The following TRHDE variants were observed in gnomAD, a reference collection of about 807,000 sequenced individuals.
TRHDE encodes the protein thyrotropin-releasing hormone-degrading ectoenzyme.
In TRHDE, 72 loss-of-function variants were observed where a neutral mutation model predicts 125.7. The observed-to-expected ratio is 0.57, with a 90% confidence interval of 0.47 to 0.70. The LOEUF (loss-of-function observed/expected upper bound fraction) is 0.70. Ranked by LOEUF, TRHDE falls within the 30% of genes least tolerant of loss-of-function variation. The pLI, the probability that TRHDE is intolerant of heterozygous loss-of-function variation, is 0.00. For synonymous variants in TRHDE, 509 were observed against 509.1 expected (o/e 1.00, Z 0.00); for missense variants, 1,110 against 1,327.1 (o/e 0.84, Z 2.54).
At chr12:72,182,166 T>TA (rs895610877) in intron 2 of TRHDE, among the ~76,000 whole-genome samples, 3 of 152,184 alleles carry the variant, frequency 2.0e-5, no homozygotes, top group African/African-American at 7.2e-5. Flanking sequence ...CTACCCAACT[T>TA]ACCTTCTTTG....
chr12:72,264,675 G>T (rs1380126872), intron 2 of TRHDE: 3 of 151,830 alleles, frequency 2.0e-5, no homozygotes, highest in Non-Finnish European at 4.4e-5. Flanking sequence ...TTCTTTGTAA[G>T]TCTAGCTTTA....
intron 15 of TRHDE, among the ~76,000 whole-genome samples, chr12:72,636,030 T>A (rs1394619672): frequency 1.3e-5 from 2 of 150,748 alleles, no homozygotes; most frequent in Non-Finnish European, 3.0e-5. Flanking sequence ...TTTTTTCCAA[T>A]TCTGTGAAGA....
At chr12:72,154,142 A>T (rs1473131926) in intron 2 of TRHDE, among the ~76,000 whole-genome samples, 1 of 152,098 alleles carries the variant, frequency 6.6e-6, no homozygotes, top group African/African-American at 2.4e-5. Context: ...TCCCTTTACC[A>T]TTATGTAATG....
intron 3 of TRHDE, among the ~76,000 whole-genome samples, chr12:72,382,499 G>T (rs1872232631): frequency 6.6e-6 from 1 of 152,176 alleles, no homozygotes; most frequent in Non-Finnish European, 1.5e-5. Flanking sequence ...TTCTGCTGAA[G>T]TGATGGCATT....
intron 2 of TRHDE, among the ~76,000 whole-genome samples, chr12:72,347,895 C>T (rs1052376263): frequency 3.6e-4 from 55 of 152,036 alleles, no homozygotes; most frequent in African/African-American, 1.3e-3. Context: ...TTACCAGGCT[C>T]AGGTGACACT....
At chr12:72,393,559 T>C (rs1488236817) in intron 3 of TRHDE, among the ~76,000 whole-genome samples, 1 of 152,184 alleles carries the variant, frequency 6.6e-6, no homozygotes, top group Non-Finnish European at 1.5e-5. Context: ...TAACAAATGG[T>C]AAAATTGAAG....
chr12:72,465,484 T>C (rs1239645504), intron 3 of TRHDE, among the ~76,000 whole-genome samples: 2 of 152,188 alleles, frequency 1.3e-5, no homozygotes, highest in Admixed American at 1.3e-4. Context: ...GATATAGCTT[T>C]CTTCTTTTTT....
At chr12:72,420,008 TAAA>T (rs969021875) in intron 3 of TRHDE, among the ~76,000 whole-genome samples, 1 of 152,112 alleles carries the variant, frequency 6.6e-6, no homozygotes, top group African/African-American at 2.4e-5. Flanking sequence ...AACAAATAAA[TAAA>T]AACACGTGAA....
At position 72,272,949 on chromosome 12, in the gene TRHDE, C is replaced by T; in HGVS notation, c.306C>T (p.Leu102=). 1 of 1,573,252 alleles carries T rather than the reference C, an allele frequency of 6.4e-7. No homozygotes were observed. The highest frequency in any genetic ancestry group is 8.6e-7 in the Non-Finnish European group (1 of 1,167,106). Residue 102 remains leucine (L), a synonymous_variant, in exon 1 of 19, where the codon CTC becomes CTT. Transcript: ENST00000261180. This position sits in a 1 kb window ranked among gnomAD's most constrained non-coding sequence, Gnocchi z 6.7. ...TGGCATTGCTCGCGGTCACAATGCTCGCTGTGCTGCTCAGCCTGCGCTTCG... is the reference window on the plus strand; with the variant it reads ...TGGCATTGCTCGCGGTCACAATGCTTGCTGTGCTGCTCAGCCTGCGCTTCG... ...SLVALLAVTM[L]AVLLSLRFDE... is the part of the protein sequence containing the mutation.
In TRHDE at chr12:72,500,598, G is replaced by T. The variant is rs113073237; in HGVS notation, c.1722+963G>T. Among the ~76,000 whole-genome samples, 259 of 152,024 alleles carry T rather than the reference G, an allele frequency of 1.7e-3. 2 individuals carry two copies. Among genetic ancestry groups the T allele is most frequent in the African/African-American group, 6.1e-3 (254 of 41,462 alleles). ...GTAGAGACAGGGTTTCACCATGTTG[G>T]CCAGGCTGGTCTCAAACTCCTGTTC... On this transcript the variant is annotated intron_variant, in intron 6 of 18. Coordinates refer to ENST00000261180, the MANE Select transcript of TRHDE (RefSeq NM_013381.3).
intron 12 of TRHDE, among the ~76,000 whole-genome samples, chr12:72,598,977 T>A (rs1872096276): frequency 6.6e-6 from 1 of 152,102 alleles, no homozygotes; most frequent in Non-Finnish European, 1.5e-5. Flanking sequence ...AGTAAGAAAA[T>A]GCGGTATTTC....
intron 2 of TRHDE, among the ~76,000 whole-genome samples, chr12:72,356,275 A>T (rs1870816355): frequency 6.6e-6 from 1 of 151,692 alleles, no homozygotes; most frequent in Non-Finnish European, 1.5e-5. Context: ...TCTTTAGCAA[A>T]CTAATGCAGG....
At chr12:72,279,073 T>C (rs1433917974) in intron 1 of TRHDE, among the ~76,000 whole-genome samples, 5 of 152,244 alleles carry the variant, frequency 3.3e-5, no homozygotes. Flanking sequence ...ATGGACCTGA[T>C]ACTGGCTTTC....
At chr12:72,258,182 A>G (rs889791222) in intron 2 of TRHDE, 1 of 152,178 alleles carries the variant, frequency 6.6e-6, no homozygotes, top group Admixed American at 6.6e-5. Context: ...AAAATAAAGG[A>G]GAGTAGGAAG....
chr12:72,340,209 G>A (rs750822652), intron 2 of TRHDE, among the ~76,000 whole-genome samples: 2 of 152,158 alleles, frequency 1.3e-5, no homozygotes, highest in Non-Finnish European at 2.9e-5. Flanking sequence ...TTGATGATCT[G>A]TTACTTGGTG....
intron 2 of TRHDE, among the ~76,000 whole-genome samples, chr12:72,330,274 T>C (rs1458803941): frequency 1.4e-5 from 2 of 144,708 alleles, no homozygotes; most frequent in African/African-American, 5.2e-5. Flanking sequence ...AAAGCAACTC[T>C]CCCCACCTCC....
intron 3 of TRHDE, among the ~76,000 whole-genome samples, chr12:72,430,445 G>A (rs548694824): frequency 5.6e-5 from 8 of 144,144 alleles, no homozygotes; most frequent in South Asian, 2.2e-4. Flanking sequence ...ATACACACAC[G>A]TATATATATG....
At chr12:72,451,350 T>G (rs1875560279) in intron 3 of TRHDE, among the ~76,000 whole-genome samples, 1 of 152,210 alleles carries the variant, frequency 6.6e-6, no homozygotes, top group Non-Finnish European at 1.5e-5. Context: ...TGTGGATATT[T>G]AGCTTTTCCA....
At chr12:72,593,672 C>T (rs528973315) in intron 12 of TRHDE, among the ~76,000 whole-genome samples, 1 of 152,254 alleles carries the variant, frequency 6.6e-6, no homozygotes, top group East Asian at 1.9e-4. Flanking sequence ...CCCCTCCTCC[C>T]ACCCTGCTGA....
Sources: gnomAD v4.1 joint callset for allele counts (sites outside exome capture counted in the v4.1 genomes callset) on GRCh38, gnomAD v4.1.1 for gene constraint, Gnocchi (gnomAD v3.1) non-coding constraint, MANE v1.5 for transcripts, NCBI Gene and HGNC (gene_info 2026-07-23, HGNC 2026-07-21) for gene names.